TGIF2: variants seen among roughly 807,000 people sequenced by gnomAD.
The protein encoded by TGIF2 is TGFB induced factor homeobox 2.
Under a neutral mutation model 15.1 loss-of-function variants are expected in TGIF2, and 5 were observed. The ratio of observed to expected loss-of-function variants is 0.33; its 90% CI spans 0.17 to 0.70. The LOEUF (loss-of-function observed/expected upper bound fraction) is 0.70, where lower values mean the gene tolerates loss of function less well. Among genes scored for constraint, TGIF2 ranks in the 30% least tolerant of loss-of-function variants. The pLI is 0.67. For synonymous variants in TGIF2, 131 were observed against 128.9 expected (o/e 1.02, Z -0.11); for missense variants, 264 against 302.5 (o/e 0.87, Z 0.94).
chr20:36,591,210 A>G lies in TGIF2; in HGVS notation c.493A>G (p.Thr165Ala), dbSNP rs747681981. 6 of 1,614,072 alleles carry G rather than the reference A, an allele frequency of 3.7e-6. No individual in the cohort carries two copies. Among genetic ancestry groups the G allele is most frequent in the Non-Finnish European group, 5.1e-6 (6 of 1,179,972 alleles). The stretch of plus-strand genomic sequence containing the variant: ...CCTGGTGACCCCTGGTAGCACACTT[A>G]CTCTGCTGACCAGGGCTGAGGCTGG... ...KPLVTPGSTL[T>A]LLTRAEAGSP... The change falls in exon 3 of 3, where the codon ACT (threonine) becomes GCT (alanine). Residue 165 changes from threonine to alanine, a missense_variant. By Grantham distance (58) the Thr-to-Ala change is moderately conservative. Coordinates refer to ENST00000373872, the MANE Select transcript of TGIF2 (RefSeq NM_021809.7). This position sits in a 1 kb window ranked among gnomAD's most constrained non-coding sequence, Gnocchi z 5.3.
chr20:36,579,037 G>T (rs578259474), intron 2 of TGIF2, 71 bp downstream of exon 2: 213 of 1,547,160 alleles, frequency 1.4e-4, no homozygotes, highest in Non-Finnish European at 1.7e-4. Flanking sequence ...CTGTGTCACT[G>T]AGTCACTGTG....
chr20:36,578,628 G>T (rs1229302386), intron 1 of TGIF2, 113 bp from the exon 2 acceptor site: 8 of 1,202,730 alleles, frequency 6.7e-6, no homozygotes, highest in Non-Finnish European at 7.9e-6. Flanking sequence ...ATTCTGAATT[G>T]CAACTACCCC....
At chr20:36,575,043 GAGA>G (rs2038396493) in intron 1 of TGIF2, among the ~76,000 whole-genome samples, 1 of 152,084 alleles carries the variant, frequency 6.6e-6, no homozygotes, top group Admixed American at 6.5e-5. Flanking sequence ...TTCCCTGTCG[GAGA>G]GATCGGGGGT....
At chr20:36,577,486 C>G (rs1313050303) in intron 1 of TGIF2, among the ~76,000 whole-genome samples, 1 of 151,496 alleles carries the variant, frequency 6.6e-6, no homozygotes, top group Non-Finnish European at 1.5e-5. Context: ...GCTGGGATTA[C>G]GAGCGTGAGC....
chr20:36,585,465 T>TAAAA (rs998173848), intron 2 of TGIF2, among the ~76,000 whole-genome samples: 11 of 104,056 alleles, frequency 1.1e-4, no homozygotes, highest in African/African-American at 2.2e-4. Flanking sequence ...ACTCTGTCTT[T>TAAAA]AAAAAAAAAA....
intron 2 of TGIF2, among the ~76,000 whole-genome samples, chr20:36,583,956 A>C (rs2038599570): frequency 6.6e-6 from 1 of 152,160 alleles, no homozygotes. Flanking sequence ...AATCCCAGCT[A>C]CTTAGGAGGC....
chr20:36,577,718 G>A (rs2038461399), intron 1 of TGIF2, among the ~76,000 whole-genome samples: 1 of 150,946 alleles, frequency 6.6e-6, no homozygotes, highest in African/African-American at 2.4e-5. Flanking sequence ...GTTTCACCCT[G>A]TTGGCCAGGA....
chr20:36,585,066 G>A (rs974737299), intron 2 of TGIF2, among the ~76,000 whole-genome samples: 6 of 151,964 alleles, frequency 3.9e-5, no homozygotes, highest in Admixed American at 3.9e-4. Flanking sequence ...GCATGGTGGC[G>A]CATGCTTGTA....
chr20:36,582,971 A>C (rs886282818), intron 2 of TGIF2, among the ~76,000 whole-genome samples: 1 of 151,560 alleles, frequency 6.6e-6, no homozygotes, highest in African/African-American at 2.4e-5. Context: ...ATCATTTATC[A>C]CTCCCCAACT....
intron 2 of TGIF2, among the ~76,000 whole-genome samples, chr20:36,581,175 A>G (rs1173592176): frequency 6.6e-6 from 1 of 152,086 alleles, no homozygotes; most frequent in African/African-American, 2.4e-5. Context: ...GGGTGTTTCT[A>G]CTGTTTTCAG....
rs1263310000 is a variant in TGIF2, at chr20:36,591,439, C to T, written c.*8C>T. On this transcript the variant is annotated 3_prime_UTR_variant, in exon 3 of 3. Transcript: ENST00000373872. This position sits in a 1 kb window ranked among gnomAD's most constrained non-coding sequence, Gnocchi z 5.3. ...TCTGAAAATCCCCAGTAGGCATCTG[C>T]CAAGAAGGGTGCTGAAGGCTCCAGC... 1 of 1,595,622 alleles carries T rather than the reference C, an allele frequency of 6.3e-7. No homozygotes were observed. The highest frequency in any genetic ancestry group is 2.2e-5 in the East Asian group (1 of 44,534).
intron 2 of TGIF2, among the ~76,000 whole-genome samples, chr20:36,583,275 A>G (rs1299801543): frequency 6.6e-6 from 1 of 151,642 alleles, no homozygotes; most frequent in African/African-American, 2.4e-5. Context: ...GTCTCAAAAA[A>G]AAAAAACAAA....
chr20:36,590,411 G>A (rs1023862485), intron 2 of TGIF2, among the ~76,000 whole-genome samples: 2 of 152,120 alleles, frequency 1.3e-5, no homozygotes, highest in African/African-American at 4.8e-5. Context: ...CTGCCACCAT[G>A]CCCAGCTAAT....
chr20:36,582,665 A>G (rs1037451448), intron 2 of TGIF2, among the ~76,000 whole-genome samples: 1 of 152,228 alleles, frequency 6.6e-6, no homozygotes, highest in African/African-American at 2.4e-5. Context: ...GGAGAAATGT[A>G]AATGTAAGGA....
chr20:36,585,233 C>CCCA lies in TGIF2; in HGVS notation c.193-5677_193-5676insCCA, dbSNP rs1569532496. On this transcript the variant is annotated intron_variant, in intron 2 of 2. Transcript: ENST00000373872. Reference sequence around the variant, plus strand: ...GAGAAAAAAGCTAGGCACAGTGTCTCACGCCTGTAATCCCAACACTTTGGG... The same window carrying CCCA: ...GAGAAAAAAGCTAGGCACAGTGTCTCCCAACGCCTGTAATCCCAACACTTTGGG... 3.1e-4 allele frequency among the ~76,000 whole-genome samples: 47 copies of CCCA among 151,990 alleles called. 1 individual carries two copies. In the South Asian group the frequency reaches 9.8e-3, roughly 32 times the overall value.
At chr20:36,579,374 T>C (rs1001632893) in intron 2 of TGIF2, among the ~76,000 whole-genome samples, 1 of 152,106 alleles carries the variant, frequency 6.6e-6, no homozygotes, top group Non-Finnish European at 1.5e-5. Flanking sequence ...GGTTTCACCA[T>C]GTTGGCCAGG....
intron 2 of TGIF2, among the ~76,000 whole-genome samples, chr20:36,582,844 A>T (rs955944153): frequency 1.3e-5 from 2 of 152,238 alleles, no homozygotes; most frequent in African/African-American, 4.8e-5. Context: ...CCTCCCAGTT[A>T]GTTCATTGCC....
At chr20:36,590,817 C>T in intron 2 of TGIF2, 93 bp from the exon 3 acceptor site, 2 of 1,392,556 alleles carry the variant, frequency 1.4e-6, no homozygotes, top group Non-Finnish European at 1.9e-6. Flanking sequence ...CCTTGGCCAC[C>T]CAAAGTGTTG....
intron 1 of TGIF2, among the ~76,000 whole-genome samples, chr20:36,574,024 C>A (rs2038357733): frequency 6.6e-6 from 1 of 150,916 alleles, no homozygotes; most frequent in Non-Finnish European, 1.5e-5. Context: ...AGGATCCCAC[C>A]CCAGGAGAGG....
Sources: gnomAD v4.1 joint callset for allele counts (sites outside exome capture counted in the v4.1 genomes callset) on GRCh38, gnomAD v4.1.1 for gene constraint, Gnocchi (gnomAD v3.1) non-coding constraint, MANE v1.5 for transcripts, NCBI Gene and HGNC (gene_info 2026-07-23, HGNC 2026-07-21) for gene names.